Variants in CTTNBP2NL observed in about 807,000 individuals in gnomAD.
CTTNBP2NL encodes the protein CTTNBP2 N-terminal-like protein.
In CTTNBP2NL, 16 loss-of-function variants were observed where a neutral mutation model predicts 32.5. That is an observed-to-expected ratio of 0.49 (90% CI 0.33 to 0.75). The LOEUF is 0.75. Among genes scored for constraint, CTTNBP2NL ranks in the 30% least tolerant of loss-of-function variants. The pLI is 0.02. For missense variants in CTTNBP2NL, 645 were observed against 756.0 expected, an observed-to-expected ratio of 0.85 and a Z score of 1.72; for synonymous variants, 298 against 289.4, an observed-to-expected ratio of 1.03 and a Z score of -0.30.
At chr1:112,416,286 A>AG in intron 3 of CTTNBP2NL, 22 bp downstream of exon 3, 1 of 1,193,264 alleles carries the variant, frequency 8.4e-7, no homozygotes, top group Non-Finnish European at 1.2e-6. Context: ...GAAAAAAAAA[A>AG]AGAGGTCATC....
At chr1:112,410,769 A>G (rs1648835788) in intron 1 of CTTNBP2NL, among the ~76,000 whole-genome samples, 1 of 152,206 alleles carries the variant, frequency 6.6e-6, no homozygotes, top group South Asian at 2.1e-4. Context: ...TACTTAGAAG[A>G]TAAGTAGGGA....
upstream of CTTNBP2NL, among the ~76,000 whole-genome samples, chr1:112,393,380 C>T (rs1648230614): frequency 6.6e-6 from 1 of 152,132 alleles, no homozygotes; most frequent in Admixed American, 6.5e-5. Flanking sequence ...TTGACACAAT[C>T]TATAATTTTT....
chr1:112,454,366 C>T, intron 4 of CTTNBP2NL, 83 bp from the exon 5 acceptor site: 2 of 972,562 alleles, frequency 2.1e-6, no homozygotes, highest in South Asian at 1.4e-5. Context: ...ATCTAAGGTG[C>T]CTGATTTGGC....
intron 3 of CTTNBP2NL, among the ~76,000 whole-genome samples, chr1:112,417,322 G>A (rs1364005467): frequency 1.3e-5 from 2 of 152,176 alleles, no homozygotes; most frequent in South Asian, 2.1e-4. Context: ...ATTGTGGTGT[G>A]TTACTTTAAA....
rs551201265 is a variant in CTTNBP2NL at position 112,447,013 on chromosome 1, G to A, written c.100-1929G>A. On this transcript the variant is annotated intron_variant, in intron 3 of 5. Transcript: ENST00000271277. ...GTTTCAGCCAGGCGCAGTGGCTCAC[G>A]CCTGTAATCCCAGCACTTTGGGAGG... Among the ~76,000 whole-genome samples, 106 of 152,174 alleles carry A rather than the reference G, an allele frequency of 7.0e-4. 2 individuals carry two copies. Among genetic ancestry groups the A allele is most frequent in the Admixed American group, 6.5e-3 (99 of 15,284 alleles).
chr1:112,392,993 G>C (rs1478868712), upstream of CTTNBP2NL, among the ~76,000 whole-genome samples: 1 of 152,102 alleles, frequency 6.6e-6, no homozygotes, highest in South Asian at 2.1e-4. Flanking sequence ...AAGTAGCTGG[G>C]ATTACAGGCA....
intron 3 of CTTNBP2NL, among the ~76,000 whole-genome samples, chr1:112,441,093 A>G (rs1281550641): frequency 2.6e-5 from 4 of 152,356 alleles, no homozygotes; most frequent in Admixed American, 1.3e-4. Context: ...GATCTTAAAC[A>G]TTTCAATTCA....
intron 1 of CTTNBP2NL, among the ~76,000 whole-genome samples, chr1:112,404,590 G>A (rs114077805): frequency 1.4e-4 from 21 of 152,214 alleles, no homozygotes; most frequent in African/African-American, 5.1e-4. Context: ...CAATCTACAT[G>A]TTATTGTTCC....
intron 3 of CTTNBP2NL, among the ~76,000 whole-genome samples, chr1:112,445,132 G>A (rs1329689798): frequency 6.6e-6 from 1 of 152,158 alleles, no homozygotes. Flanking sequence ...ATGGAAGTGG[G>A]TCCATCAGTC....
At position 112,458,113 on chromosome 1, in the gene CTTNBP2NL, T is replaced by G. The variant is rs545110524; in HGVS notation, c.*701T>G. 4 of 152,752 alleles carry G rather than the reference T, an allele frequency of 2.6e-5. No homozygotes were observed. Among genetic ancestry groups the G allele is most frequent in the African/African-American group, 9.6e-5 (4 of 41,574 alleles). The allele number at this position is 152,752 out of a possible 1,614,324, so 9.5% of individuals were successfully genotyped here. On this transcript the variant is annotated 3_prime_UTR_variant, in exon 6 of 6. Transcript: ENST00000271277. Reference sequence around the variant, plus strand: ...TTTTGAAAAATTAAGTCACTCCCAGTTTCCTGCATAAGTTCTTGAACAGAA... The same window carrying G: ...TTTTGAAAAATTAAGTCACTCCCAGGTTCCTGCATAAGTTCTTGAACAGAA...
upstream of CTTNBP2NL, among the ~76,000 whole-genome samples, chr1:112,394,205 TAA>T (rs60528857): frequency 3.8e-4 from 28 of 73,266 alleles, no homozygotes; most frequent in Admixed American, 4.7e-4. Flanking sequence ...TCCATCTCGA[TAA>T]AAAAAAAAAA....
At chr1:112,445,235 C>A (rs1043079781) in intron 3 of CTTNBP2NL, among the ~76,000 whole-genome samples, 2 of 152,124 alleles carry the variant, frequency 1.3e-5, no homozygotes. Context: ...TAAGCCCCTC[C>A]CAGATTCCTG....
At chr1:112,447,274 A>G (rs1415071067) in intron 3 of CTTNBP2NL, among the ~76,000 whole-genome samples, 1 of 33,756 alleles carries the variant, frequency 3.0e-5, no homozygotes, top group Non-Finnish European at 9.8e-5. Context: ...ACTCCATCTA[A>G]AAAAAAAAAA....
At chr1:112,410,944 A>G (rs1408342997) in intron 1 of CTTNBP2NL, among the ~76,000 whole-genome samples, 9 of 152,230 alleles carry the variant, frequency 5.9e-5, no homozygotes, top group Non-Finnish European at 1.3e-4. Flanking sequence ...GAATGAGTCT[A>G]TAGACACCAT....
chr1:112,406,340 C>T (rs1648665222), intron 1 of CTTNBP2NL, among the ~76,000 whole-genome samples: 1 of 152,154 alleles, frequency 6.6e-6, no homozygotes, highest in African/African-American at 2.4e-5. Flanking sequence ...GAGGTTTTTC[C>T]ACCATACAAT....
chr1:112,441,785 C>T, intron 3 of CTTNBP2NL, among the ~76,000 whole-genome samples: 1 of 152,150 alleles, frequency 6.6e-6, no homozygotes, highest in Non-Finnish European at 1.5e-5. Context: ...TTACACCTCC[C>T]TGATCCCTAA....
At chr1:112,441,123 C>T (rs1429142647) in intron 3 of CTTNBP2NL, among the ~76,000 whole-genome samples, 2 of 152,190 alleles carry the variant, frequency 1.3e-5, no homozygotes, top group East Asian at 1.9e-4. Flanking sequence ...TACAGATGCA[C>T]ACATCCACAT....
At chr1:112,450,590 T>C (rs1650186009) in intron 4 of CTTNBP2NL, among the ~76,000 whole-genome samples, 1 of 152,302 alleles carries the variant, frequency 6.6e-6, no homozygotes, top group African/African-American at 2.4e-5. Flanking sequence ...CTGAGTTGTG[T>C]TGAAGCTAGT....
At chr1:112,431,870 A>T (rs921254906) in intron 3 of CTTNBP2NL, among the ~76,000 whole-genome samples, 2 of 152,174 alleles carry the variant, frequency 1.3e-5, no homozygotes, top group Middle Eastern at 6.8e-3. Context: ...GAGGCTGGGC[A>T]CACAGGATCA....
Sources: gnomAD v4.1 joint callset for allele counts (sites outside exome capture counted in the v4.1 genomes callset) on GRCh38, gnomAD v4.1.1 for gene constraint, MANE v1.5 for transcripts, NCBI Gene and HGNC (gene_info 2026-07-23, HGNC 2026-07-21) for gene names.